Variants in APP observed in about 807,000 individuals in gnomAD.
APP encodes the protein amyloid beta precursor protein.
Under a neutral mutation model 101.4 loss-of-function variants are expected in APP, and 31 were observed. The ratio of observed to expected loss-of-function variants is 0.31; its 90% CI spans 0.23 to 0.41. APP has a LOEUF of 0.41. Ranked by LOEUF, APP falls within the 10% of genes least tolerant of loss-of-function variation. APP has a pLI of 1.00. For synonymous variants in APP, 366 were observed against 364.4 expected, an observed-to-expected ratio of 1.00 and a Z score of -0.05; for missense variants, 839 against 1,003.7, an observed-to-expected ratio of 0.84 and a Z score of 2.22.
In APP at chr21:26,040,840, T is replaced by G. The variant is rs149986884; in HGVS notation, c.662+10160A>C. 5.6e-4 allele frequency among the ~76,000 whole-genome samples: 86 copies of G among 152,230 alleles called. No homozygotes were observed. In the East Asian group the frequency reaches 0.015, roughly 27 times the overall value. On this transcript the variant is annotated intron_variant, in intron 5 of 17. Coordinates refer to ENST00000346798, the MANE Select transcript of APP (RefSeq NM_000484.4). ...GAAGACTGTTCTCCCAGTATCTCACTCCATACAAAAATATATATTAAAAAT... is the reference window on the plus strand; with the variant it reads ...GAAGACTGTTCTCCCAGTATCTCACGCCATACAAAAATATATATTAAAAAT...
intron 3 of APP, among the ~76,000 whole-genome samples, chr21:26,071,693 T>G (rs2146037566): frequency 6.6e-6 from 1 of 152,290 alleles, no homozygotes; most frequent in African/African-American, 2.4e-5. Flanking sequence ...TTGAAGAAAA[T>G]GCTGGAAAAG....
intron 3 of APP, among the ~76,000 whole-genome samples, chr21:26,067,858 A>G (rs1024629602): frequency 1.3e-5 from 2 of 152,132 alleles, no homozygotes; most frequent in Non-Finnish European, 2.9e-5. Context: ...GTTTCTTCAA[A>G]ATATAGGTAT....
At chr21:26,104,058 C>T (rs1324086874) in intron 2 of APP, among the ~76,000 whole-genome samples, 1 of 152,166 alleles carries the variant, frequency 6.6e-6, no homozygotes, top group Non-Finnish European at 1.5e-5. Flanking sequence ...CAGACAGCCA[C>T]CTCCTTGCTG....
intron 6 of APP, among the ~76,000 whole-genome samples, chr21:26,017,979 C>G (rs2044177623): frequency 6.6e-6 from 1 of 152,200 alleles, no homozygotes; most frequent in Non-Finnish European, 1.5e-5. Flanking sequence ...GGGTCCCACT[C>G]TGTTGCCCAG....
intron 1 of APP, among the ~76,000 whole-genome samples, chr21:26,158,507 C>T (rs951940554): frequency 3.3e-5 from 5 of 152,228 alleles, no homozygotes; most frequent in Admixed American, 6.5e-5. Context: ...TCCCTTGCAT[C>T]GAGGTGTCAC....
At chr21:25,883,915 T>C (rs555333682) in intron 17 of APP, among the ~76,000 whole-genome samples, 2 of 152,180 alleles carry the variant, frequency 1.3e-5, no homozygotes, top group South Asian at 2.1e-4. Context: ...TTTTTTTGAG[T>C]TGGAGTCTTG....
At chr21:26,109,672 G>A (rs1302523312) in intron 2 of APP, among the ~76,000 whole-genome samples, 1 of 151,878 alleles carries the variant, frequency 6.6e-6, no homozygotes, top group East Asian at 1.9e-4. Context: ...GCATTAGTAG[G>A]ATCTCTAAGT....
intron 1 of APP, among the ~76,000 whole-genome samples, chr21:26,142,239 T>G (rs1282892708): frequency 6.6e-6 from 1 of 152,080 alleles, no homozygotes; most frequent in African/African-American, 2.4e-5. Context: ...GGAGAAAATA[T>G]CAAAGCCACC....
intron 2 of APP, among the ~76,000 whole-genome samples, chr21:26,101,183 T>TCGG (rs1332507746): frequency 7.9e-6 from 1 of 126,662 alleles, no homozygotes; most frequent in African/African-American, 3.0e-5. Context: ...CACTGCAACC[T>TCGG]CGGCCTCCGA....
chr21:26,012,141 G>C (rs2043835739), intron 6 of APP, among the ~76,000 whole-genome samples: 1 of 151,752 alleles, frequency 6.6e-6, no homozygotes, highest in Non-Finnish European at 1.5e-5. Flanking sequence ...CTGAGTAGCT[G>C]GGACTATAAG....
chr21:26,120,050 T>C (rs2062530351), intron 1 of APP, among the ~76,000 whole-genome samples: 1 of 152,222 alleles, frequency 6.6e-6, no homozygotes, highest in Non-Finnish European at 1.5e-5. Flanking sequence ...TACTGTTTTA[T>C]ATCAAATGTA....
intron 6 of APP, among the ~76,000 whole-genome samples, chr21:26,006,541 T>G (rs559990902): frequency 2.1e-4 from 32 of 152,278 alleles, no homozygotes; most frequent in African/African-American, 7.2e-4. Flanking sequence ...CACAAAATAA[T>G]ACAGAATCTA....
intron 3 of APP, among the ~76,000 whole-genome samples, chr21:26,074,899 A>G (rs2061474965): frequency 6.6e-6 from 1 of 152,146 alleles, no homozygotes; most frequent in Non-Finnish European, 1.5e-5. Context: ...GTTTAACCCT[A>G]TTTCTGGAGT....
intron 6 of APP, among the ~76,000 whole-genome samples, chr21:26,017,122 C>T (rs555952685): frequency 6.9e-6 from 1 of 144,950 alleles, no homozygotes; most frequent in Non-Finnish European, 1.5e-5. Context: ...TGGTGTGAAC[C>T]CGGGAGGCCG....
At chr21:25,972,599 C>A (rs1307739715) in intron 11 of APP, among the ~76,000 whole-genome samples, 3 of 151,484 alleles carry the variant, frequency 2.0e-5, no homozygotes, top group Non-Finnish European at 4.4e-5. Context: ...TACAGTCATG[C>A]AATCACAGCT....
chr21:25,932,481 G>A (rs1275077442), intron 13 of APP, among the ~76,000 whole-genome samples: 2 of 152,098 alleles, frequency 1.3e-5, no homozygotes, highest in African/African-American at 4.8e-5. Context: ...TGGGGTAACT[G>A]CTTTCCATGG....
intron 2 of APP, among the ~76,000 whole-genome samples, chr21:26,097,201 T>A (rs1336810865): frequency 1.3e-5 from 2 of 152,164 alleles, no homozygotes; most frequent in Non-Finnish European, 2.9e-5. Flanking sequence ...TACCACTGCA[T>A]CCTCCACTTG....
At chr21:25,971,445 T>G (rs998484508) in intron 11 of APP, among the ~76,000 whole-genome samples, 2 of 152,192 alleles carry the variant, frequency 1.3e-5, no homozygotes, top group Admixed American at 6.5e-5. Flanking sequence ...CTCATGGCCC[T>G]GAATTTCCAG....
intron 13 of APP, among the ~76,000 whole-genome samples, chr21:25,927,883 T>C (rs1483834819): frequency 6.6e-6 from 1 of 151,818 alleles, no homozygotes; most frequent in Non-Finnish European, 1.5e-5. Context: ...CATCAGTCAG[T>C]AATCAAGATA....
Sources: gnomAD v4.1 joint callset for allele counts (sites outside exome capture counted in the v4.1 genomes callset) on GRCh38, gnomAD v4.1.1 for gene constraint, MANE v1.5 for transcripts, NCBI Gene and HGNC (gene_info 2026-07-23, HGNC 2026-07-21) for gene names.